HPSE2: variants seen among roughly 807,000 people sequenced by gnomAD.
HPSE2 encodes the protein inactive heparanase-2.
In HPSE2, 38 loss-of-function variants were observed where a neutral mutation model predicts 60.5. The observed-to-expected ratio is 0.63, with a 90% CI of 0.48 to 0.82. The LOEUF is 0.82. Ranked by LOEUF, HPSE2 falls within the 40% of genes least tolerant of loss-of-function variation. The probability of loss-of-function intolerance (pLI) is 0.00; values close to 1 mark genes in which losing one functional copy is unlikely to be tolerated. For synonymous variants in HPSE2, 295 were observed against 293.2 expected, an observed-to-expected ratio of 1.01 and a Z score of -0.06; for missense variants, 713 against 740.4, an observed-to-expected ratio of 0.96 and a Z score of 0.43.
intron 3 of HPSE2, among the ~76,000 whole-genome samples, chr10:98,863,960 AAT>A (rs145290704): frequency 1.3e-5 from 2 of 151,738 alleles, no homozygotes; most frequent in African/African-American, 2.4e-5. Context: ...TACGTATATG[AAT>A]ATATATATAC....
intron 2 of HPSE2, among the ~76,000 whole-genome samples, chr10:99,205,546 C>T (rs1244500625): frequency 6.6e-6 from 1 of 152,112 alleles, no homozygotes; most frequent in Non-Finnish European, 1.5e-5. Context: ...CACACCACTG[C>T]ACTCCTGCCT....
At chr10:98,705,378 C>T (rs760600984) in intron 5 of HPSE2, among the ~76,000 whole-genome samples, 1 of 152,162 alleles carries the variant, frequency 6.6e-6, no homozygotes, top group Non-Finnish European at 1.5e-5. Flanking sequence ...ACCAGAAATA[C>T]CATTTGACCT....
At chr10:98,699,326 G>C (rs967524419) in intron 5 of HPSE2, among the ~76,000 whole-genome samples, 4 of 150,346 alleles carry the variant, frequency 2.7e-5, no homozygotes, top group Non-Finnish European at 4.5e-5. Context: ...GGGATGCAAG[G>C]CTGGTTCAAT....
chr10:98,802,150 G>C (rs1950924145), intron 3 of HPSE2, among the ~76,000 whole-genome samples: 1 of 151,996 alleles, frequency 6.6e-6, no homozygotes, highest in Non-Finnish European at 1.5e-5. Context: ...AATAAAACTA[G>C]ATTCCTATCT....
At chr10:98,546,522 T>G (rs1353881738) in intron 9 of HPSE2, among the ~76,000 whole-genome samples, 2 of 151,820 alleles carry the variant, frequency 1.3e-5, no homozygotes, top group Admixed American at 1.3e-4. Flanking sequence ...TATCTGATCT[T>G]TGACAAACCT....
chr10:98,870,257 T>C (rs1318029363), intron 3 of HPSE2, among the ~76,000 whole-genome samples: 1 of 152,170 alleles, frequency 6.6e-6, no homozygotes, highest in Non-Finnish European at 1.5e-5. Context: ...GAATGTATAA[T>C]TTAATTGGCA....
chr10:98,736,474 G>A (rs889266446), intron 4 of HPSE2, among the ~76,000 whole-genome samples: 17 of 152,078 alleles, frequency 1.1e-4, no homozygotes, highest in Non-Finnish European at 2.5e-4. Context: ...TCTCCACCAT[G>A]ATAATGAACT....
intron 9 of HPSE2, among the ~76,000 whole-genome samples, chr10:98,566,804 TC>T (rs1395284689): frequency 3.9e-5 from 6 of 152,282 alleles, no homozygotes; most frequent in Non-Finnish European, 7.4e-5. Context: ...TTAGAGGCTC[TC>T]CTATGGAAGG....
chr10:98,762,119 A>G (rs1950019554), intron 3 of HPSE2, among the ~76,000 whole-genome samples: 1 of 151,320 alleles, frequency 6.6e-6, no homozygotes. Context: ...GACATTGATG[A>G]CAGAGGCACC....
intron 3 of HPSE2, among the ~76,000 whole-genome samples, chr10:99,082,212 C>T (rs1843169034): frequency 6.6e-6 from 1 of 152,138 alleles, no homozygotes; most frequent in African/African-American, 2.4e-5. Flanking sequence ...AAACTTCACC[C>T]TAACCCTAAA....
chr10:99,105,782 T>C (rs1443867897), intron 3 of HPSE2, among the ~76,000 whole-genome samples: 1 of 152,116 alleles, frequency 6.6e-6, no homozygotes, highest in African/African-American at 2.4e-5. Flanking sequence ...ATGGTCCATT[T>C]TGAGCTAAAC....
At chr10:98,772,040 C>T (rs1458024513) in intron 3 of HPSE2, among the ~76,000 whole-genome samples, 1 of 152,160 alleles carries the variant, frequency 6.6e-6, no homozygotes, top group Non-Finnish European at 1.5e-5. Context: ...TCAGTGATGG[C>T]TGTTATCTGC....
chr10:98,549,452 T>C (rs1299603027), intron 9 of HPSE2, among the ~76,000 whole-genome samples: 2 of 152,184 alleles, frequency 1.3e-5, no homozygotes, highest in Admixed American at 1.3e-4. Context: ...ATTCTCTACA[T>C]CTTATATCTT....
chr10:98,891,347 G>A (rs1200108347), intron 3 of HPSE2, among the ~76,000 whole-genome samples: 1 of 152,100 alleles, frequency 6.6e-6, no homozygotes, highest in Non-Finnish European at 1.5e-5. Context: ...AGGTTGACCT[G>A]AAAGCCCATA....
chr10:99,074,064 T>G (rs1589613514), intron 3 of HPSE2, among the ~76,000 whole-genome samples: 2 of 151,984 alleles, frequency 1.3e-5, no homozygotes, highest in Admixed American at 6.6e-5. Flanking sequence ...TTCTTGCCTA[T>G]TTGCTCTGGC....
chr10:98,477,597 T>C (rs76797685), intron 11 of HPSE2, among the ~76,000 whole-genome samples: 3,139 of 152,324 alleles, frequency 0.021, 89 homozygotes, highest in African/African-American at 0.068. Context: ...TGGGATCTGA[T>C]CTAACACCTG....
intron 7 of HPSE2, among the ~76,000 whole-genome samples, chr10:98,640,212 TC>T (rs1358551335): frequency 6.6e-6 from 1 of 152,238 alleles, no homozygotes; most frequent in Non-Finnish European, 1.5e-5. Flanking sequence ...CCACTTTGTA[TC>T]CCCAGCATCT....
intron 3 of HPSE2, among the ~76,000 whole-genome samples, chr10:98,780,077 G>A (rs1589814846): frequency 2.0e-5 from 3 of 152,226 alleles, no homozygotes; most frequent in South Asian, 4.1e-4. Context: ...ACAATAAAAT[G>A]GAGGGAGGAA....
chr10:99,310,841 C>T, the HPSE2 span, among the ~76,000 whole-genome samples: 2 of 152,150 alleles, frequency 1.3e-5, no homozygotes, highest in East Asian at 3.9e-4. Flanking sequence ...GTTGGCCAGG[C>T]TGGTCTCAAA....
Sources: allele counts gnomAD v4.1 joint callset (sites outside exome capture counted in the v4.1 genomes callset), GRCh38; gene constraint gnomAD v4.1.1; transcripts MANE v1.5; gene names NCBI Gene and HGNC (gene_info 2026-07-23, HGNC 2026-07-21).